The following PPP2R2B variants were observed in gnomAD, a reference collection of about 807,000 sequenced individuals.
PPP2R2B encodes serine/threonine-protein phosphatase 2A 55 kDa regulatory subunit B beta isoform.
PPP2R2B carries 5 observed loss-of-function variants against 46.0 expected under a neutral mutation model. The ratio of observed to expected loss-of-function variants is 0.11; its 90% CI spans 0.06 to 0.23. The LOEUF is 0.23. Ranked by LOEUF, PPP2R2B falls within the 10% of genes least tolerant of loss-of-function variation. The pLI, the probability that PPP2R2B is intolerant of heterozygous loss-of-function variation, is 1.00. For synonymous variants in PPP2R2B, 215 were observed against 206.7 expected (o/e 1.04, Z -0.34); for missense variants, 367 against 575.0 (o/e 0.64, Z 3.70).
At chr5:146,775,851 A>G (rs1755149328) in intron 2 of PPP2R2B, among the ~76,000 whole-genome samples, 1 of 152,188 alleles carries the variant, frequency 6.6e-6, no homozygotes, top group African/African-American at 2.4e-5. Flanking sequence ...CACTCTGAGA[A>G]GGAAGTTTAT....
At chr5:146,967,438 A>T (rs1752473183) in intron 1 of PPP2R2B, among the ~76,000 whole-genome samples, 1 of 152,196 alleles carries the variant, frequency 6.6e-6, no homozygotes, top group South Asian at 2.1e-4. Flanking sequence ...TTCCATTGAT[A>T]TTATTCCTAT....
At position 146,840,566 on chromosome 5, in the gene PPP2R2B, C is replaced by G. The variant is rs1403002393; in HGVS notation, c.70+37436G>C. Among the ~76,000 whole-genome samples, 4 of 152,298 alleles carry G rather than the reference C, an allele frequency of 2.6e-5. No homozygotes were observed. The East Asian group carries it at 7.7e-4, about 29-fold the overall frequency. Reference sequence around the variant, plus strand: ...AAAATCAACAGACAGTTCCACACATCTAGACACTCCTAAAATACCCAAAGG... The same window carrying G: ...AAAATCAACAGACAGTTCCACACATGTAGACACTCCTAAAATACCCAAAGG... On this transcript the variant is annotated intron_variant, in intron 2 of 9. Transcript: ENST00000394411.
chr5:147,024,652 T>C (rs1434544707), intron 1 of PPP2R2B, among the ~76,000 whole-genome samples: 1 of 151,906 alleles, frequency 6.6e-6, no homozygotes, highest in African/African-American at 2.4e-5. Context: ...AATTAGAAAT[T>C]AATAACAAAA....
chr5:147,071,104 G>T (rs1454437185), intron 2 of PPP2R2B, among the ~76,000 whole-genome samples: 1 of 152,076 alleles, frequency 6.6e-6, no homozygotes, highest in Non-Finnish European at 1.5e-5. Context: ...AAAAAAATCA[G>T]AATGTCCTTT....
intron 5 of PPP2R2B, among the ~76,000 whole-genome samples, chr5:146,666,677 G>C (rs1216509520): frequency 6.6e-6 from 1 of 152,174 alleles, no homozygotes; most frequent in Non-Finnish European, 1.5e-5. Context: ...ATTATACCAA[G>C]ACTCAGCCTC....
intron 5 of PPP2R2B, among the ~76,000 whole-genome samples, chr5:146,652,016 T>G (rs1375578968): frequency 6.6e-6 from 1 of 152,048 alleles, no homozygotes; most frequent in Non-Finnish European, 1.5e-5. Context: ...AAACCACAGG[T>G]GACTTGAGGT....
chr5:146,975,335 T>C (rs1305274317), intron 1 of PPP2R2B, among the ~76,000 whole-genome samples: 1 of 152,218 alleles, frequency 6.6e-6, no homozygotes, highest in African/African-American at 2.4e-5. Flanking sequence ...GAGTAAGAAT[T>C]TCCTTCTTTC....
intron 2 of PPP2R2B, among the ~76,000 whole-genome samples, chr5:146,839,989 A>C (rs1245354062): frequency 6.6e-6 from 1 of 152,236 alleles, no homozygotes; most frequent in Non-Finnish European, 1.5e-5. Context: ...CTCTGGGCAA[A>C]TAGTACAAAC....
At chr5:146,961,406 A>G (rs886766438) in intron 1 of PPP2R2B, among the ~76,000 whole-genome samples, 3 of 152,194 alleles carry the variant, frequency 2.0e-5, no homozygotes, top group Non-Finnish European at 2.9e-5. Flanking sequence ...GATTGTATTC[A>G]TGTACTATTT....
chr5:146,712,099 A>C (rs1283453173), intron 2 of PPP2R2B, among the ~76,000 whole-genome samples: 1 of 152,356 alleles, frequency 6.6e-6, no homozygotes, highest in East Asian at 1.9e-4. Flanking sequence ...TGAGGTCCCG[A>C]TGTCAAACAA....
intron 2 of PPP2R2B, among the ~76,000 whole-genome samples, chr5:146,780,374 T>G (rs1187034953): frequency 6.6e-6 from 1 of 152,194 alleles, no homozygotes; most frequent in Non-Finnish European, 1.5e-5. Context: ...AGTTGCTATC[T>G]TCCTAAAATT....
At chr5:146,745,204 G>A (rs974496402) in intron 2 of PPP2R2B, among the ~76,000 whole-genome samples, 4 of 55,590 alleles carry the variant, frequency 7.2e-5, no homozygotes, top group African/African-American at 2.0e-4. Context: ...GAGAGAGAGA[G>A]AGAAAGAGAC....
At position 146,789,303 on chromosome 5, in the gene PPP2R2B, C is replaced by A. The variant is rs183679622; in HGVS notation, c.71-88161G>T. ...AAGAAAAAAGATGTTGGGTATGTGA[C>A]ATAACCCTTTCAGTCTCTCCATAAA... On this transcript the variant is annotated intron_variant, in intron 2 of 9. Transcript: ENST00000394411. 6.9e-4 allele frequency among the ~76,000 whole-genome samples: 105 copies of A among 152,300 alleles called. 2 individuals are homozygous for A. The highest frequency in any genetic ancestry group is 6.7e-3 in the Admixed American group (102 of 15,294).
intron 2 of PPP2R2B, among the ~76,000 whole-genome samples, chr5:147,061,652 T>C (rs1267525710): frequency 6.6e-6 from 1 of 152,098 alleles, no homozygotes; most frequent in Non-Finnish European, 1.5e-5. Context: ...TCTCTTGGCA[T>C]GTGACTAAAG....
At chr5:146,812,706 G>T (rs1303168769) in intron 2 of PPP2R2B, among the ~76,000 whole-genome samples, 2 of 10,936 alleles carry the variant, frequency 1.8e-4, no homozygotes, top group African/African-American at 3.2e-4. Context: ...TATATACACT[G>T]CTATCACTAG....
chr5:146,970,119 C>A (rs998340901), intron 1 of PPP2R2B, among the ~76,000 whole-genome samples: 2 of 152,256 alleles, frequency 1.3e-5, no homozygotes, highest in South Asian at 2.1e-4. Context: ...TTACTGACAC[C>A]CTATAATGTA....
At chr5:146,607,615 C>A (rs1398414605) in intron 7 of PPP2R2B, 1 of 152,212 alleles carries the variant, frequency 6.6e-6, no homozygotes, top group Non-Finnish European at 1.5e-5. Flanking sequence ...TACTATACTT[C>A]TTTTACAACA....
chr5:146,838,595 A>G (rs1250461753), intron 2 of PPP2R2B, among the ~76,000 whole-genome samples: 1 of 151,734 alleles, frequency 6.6e-6, no homozygotes, highest in East Asian at 1.9e-4. Flanking sequence ...GAAAAAAAAG[A>G]AGGAAGGGAG....
chr5:147,036,363 GCACAGTATTC>G (rs1450953455), intron 1 of PPP2R2B, among the ~76,000 whole-genome samples: 3 of 152,134 alleles, frequency 2.0e-5, no homozygotes, highest in African/African-American at 7.2e-5. Flanking sequence ...TTTTATGGCT[GCACAGTATTC>G]CATGGTGTCT....
Sources: allele counts gnomAD v4.1 joint callset (sites outside exome capture counted in the v4.1 genomes callset), GRCh38; gene constraint gnomAD v4.1.1; transcripts MANE v1.5; gene names NCBI Gene and HGNC (gene_info 2026-07-23, HGNC 2026-07-21).